The following BRI3 variants were observed in gnomAD, a reference collection of about 807,000 sequenced individuals.
BRI3 encodes brain protein I3.
In BRI3, 6 loss-of-function variants were observed where a neutral mutation model predicts 12.8. The ratio of observed to expected loss-of-function variants is 0.47; its 90% CI spans 0.26 to 0.93. The LOEUF is 0.93. Ranked by LOEUF, BRI3 falls within the 40% of genes least tolerant of loss-of-function variation. BRI3 has a pLI of 0.15. For synonymous variants in BRI3, 91 were observed against 76.1 expected (o/e 1.20, Z -1.02); for missense variants, 134 against 171.1 (o/e 0.78, Z 1.21).
exon 2 of BRI3, chr7:98,307,690 C>T (rs781577715): frequency 6.2e-7 from 1 of 1,613,866 alleles, no homozygotes; most frequent in Admixed American, 1.7e-5. Context: ...CAGACTTACG[C>T]CTTGGACACG....
At chr7:98,282,063 G>A in intron 1 of BRI3, 126 bp downstream of exon 1, 1 of 1,278,224 alleles carries the variant, frequency 7.8e-7, no homozygotes, top group Non-Finnish European at 1.0e-6. Flanking sequence ...TCCCCGGGCT[G>A]GCTTCGGGAC....
downstream of BRI3, chr7:98,312,251 A>G: frequency 6.2e-7 from 1 of 1,612,140 alleles, no homozygotes; most frequent in Non-Finnish European, 8.5e-7. Flanking sequence ...CTTGGAATTC[A>G]GTAGTTCTGC....
chr7:98,291,597 C>T, downstream of BRI3: 1 of 975,602 alleles, frequency 1.0e-6, no homozygotes, highest in South Asian at 2.7e-5. Context: ...CATCGCTCCC[C>T]CGGCCAGTCC....
downstream of BRI3, chr7:98,294,032 G>A (rs374428368): frequency 2.6e-5 from 42 of 1,606,204 alleles, no homozygotes; most frequent in Non-Finnish European, 3.6e-5. Flanking sequence ...ACAGGGAAGA[G>A]CAATGTCACA....
At chr7:98,292,421 G>A, downstream of BRI3, 2 of 568,214 alleles carry the variant, frequency 3.5e-6, no homozygotes, top group South Asian at 2.2e-5. Context: ...TGATCCCCCT[G>A]CCTCGGCCTC....
At chr7:98,315,316 C>T, downstream of BRI3, 2 of 629,624 alleles carry the variant, frequency 3.2e-6, no homozygotes, top group East Asian at 3.7e-5. Flanking sequence ...TTTATAGAGA[C>T]AGAGTTTTGC....
At position 98,299,947 on chromosome 7, in the gene BRI3, G is replaced by A. The variant is rs191292240; in HGVS notation, c.72-6536G>A. On this transcript the variant is annotated intron_variant and NMD_transcript_variant, in intron 1 of 2. Transcript: ENST00000491463. ...TCCCAGCTACTTAGGAGGCTGAGGCGGGAGAATTGCTTGAGCCCGGGAAGT... is the reference window on the plus strand; with the variant it reads ...TCCCAGCTACTTAGGAGGCTGAGGCAGGAGAATTGCTTGAGCCCGGGAAGT... Among the ~76,000 whole-genome samples, 131 of 152,200 alleles carry A rather than the reference G, an allele frequency of 8.6e-4. 1 individual carries two copies. Among genetic ancestry groups the A allele is most frequent in the African/African-American group, 2.9e-3 (119 of 41,524 alleles).
downstream of BRI3, among the ~76,000 whole-genome samples, chr7:98,313,294 C>G (rs552609016): frequency 6.6e-6 from 1 of 152,244 alleles, no homozygotes; most frequent in Admixed American, 6.5e-5. Flanking sequence ...GAAGAAACTT[C>G]CAGCATAGAA....
At chr7:98,308,649 G>T in exon 2 of BRI3, 1 of 220,778 alleles carries the variant, frequency 4.5e-6, no homozygotes, top group Non-Finnish European at 9.3e-6. Flanking sequence ...CCACTCCAGG[G>T]GAAAAAAGGT....
At chr7:98,305,790 A>T (rs1289292398), upstream of BRI3, among the ~76,000 whole-genome samples, 3 of 152,202 alleles carry the variant, frequency 2.0e-5, no homozygotes, top group Non-Finnish European at 4.4e-5. Flanking sequence ...TGAAAAAATC[A>T]ATGCAAAGTC....
downstream of BRI3, among the ~76,000 whole-genome samples, chr7:98,295,469 T>G (rs1800152442): frequency 6.6e-6 from 1 of 152,216 alleles, no homozygotes; most frequent in Non-Finnish European, 1.5e-5. Context: ...GAGGAAGTCC[T>G]TGCTGGTGTG....
At chr7:98,300,860 C>T (rs1337703038) in intron 1 of BRI3, among the ~76,000 whole-genome samples, 1 of 152,196 alleles carries the variant, frequency 6.6e-6, no homozygotes, top group Non-Finnish European at 1.5e-5. Flanking sequence ...GTCACCGCAA[C>T]GCCCAGGCCT....
chr7:98,307,336 C>A, intron 1 of BRI3: 1 of 1,022,178 alleles, frequency 9.8e-7, no homozygotes, highest in Non-Finnish European at 1.2e-6. Flanking sequence ...GAACTCCTAA[C>A]CTCAGGTGAT....
rs762707026 is a variant in BRI3 at position 98,307,651 on chromosome 7, G to A, written n.281G>A. 9.3e-6 allele frequency: 15 copies of A among 1,609,484 alleles called. No homozygotes were observed. The South Asian group carries it at 1.1e-4, about 12-fold the overall frequency. On this transcript the variant is annotated non_coding_transcript_exon_variant, in exon 2 of 2. Transcript: ENST00000485422. The stretch of plus-strand genomic sequence containing the variant: ...TTGGCTGCTCTGGAAGGGAGGGGCC[G>A]TCTGGTGCCCTGCGGGGACCATCAC...
intron 1 of BRI3, among the ~76,000 whole-genome samples, chr7:98,299,174 C>T (rs1416948203): frequency 1.3e-5 from 2 of 152,098 alleles, no homozygotes; most frequent in African/African-American, 2.4e-5. Flanking sequence ...TGCCACCATG[C>T]CCAGCTAATT....
intron 2 of BRI3, chr7:98,282,760 G>A (rs562215875): frequency 3.0e-6 from 1 of 333,528 alleles, no homozygotes; most frequent in Non-Finnish European, 5.6e-6. Context: ...TGGTCCTTTC[G>A]TCTTTGTTCT....
intron 2 of BRI3, among the ~76,000 whole-genome samples, chr7:98,288,334 C>A (rs577997394): frequency 1.3e-5 from 2 of 152,162 alleles, no homozygotes; most frequent in East Asian, 3.9e-4. Flanking sequence ...GCTGTGGCAC[C>A]TGGGGGAGAA....
chr7:98,302,667 A>C (rs1050340609), upstream of BRI3, among the ~76,000 whole-genome samples: 1 of 152,234 alleles, frequency 6.6e-6, no homozygotes, highest in Admixed American at 6.5e-5. Context: ...TTCTACAAAG[A>C]GACTGCTAAG....
At chr7:98,292,982 C>T (rs1800033493), downstream of BRI3, 1 of 1,198,388 alleles carries the variant, frequency 8.3e-7, no homozygotes. Flanking sequence ...TTCTCCATCT[C>T]TGGAAGCTCT....
Sources: gnomAD v4.1 joint callset for allele counts (sites outside exome capture counted in the v4.1 genomes callset) on GRCh38, gnomAD v4.1.1 for gene constraint, MANE v1.5 for transcripts, NCBI Gene and HGNC (gene_info 2026-07-23, HGNC 2026-07-21) for gene names.